The following CNTFR variants were observed in gnomAD, a reference collection of about 807,000 sequenced individuals.
CNTFR encodes the protein ciliary neurotrophic factor receptor, also known as ciliary neurotrophic factor receptor subunit alpha.
A neutral mutation model predicts 40.4 loss-of-function variants in CNTFR; 12 were observed. The observed-to-expected ratio is 0.30, with a 90% CI of 0.19 to 0.48. The LOEUF (loss-of-function observed/expected upper bound fraction) is 0.48. CNTFR is among the 20% of genes least tolerant of loss of function. The pLI is 0.99. For synonymous variants in CNTFR, 202 were observed against 209.6 expected, an observed-to-expected ratio of 0.96 and a Z score of 0.31; for missense variants, 414 against 506.8, an observed-to-expected ratio of 0.82 and a Z score of 1.76.
chr9:34,578,179 G>C (rs1409786099), intron 2 of CNTFR, among the ~76,000 whole-genome samples: 1 of 152,096 alleles, frequency 6.6e-6, no homozygotes, highest in Non-Finnish European at 1.5e-5. Flanking sequence ...GCGAGGGGCC[G>C]GGCCGCGCGG....
At chr9:34,576,718 T>C (rs1335689076) in intron 2 of CNTFR, among the ~76,000 whole-genome samples, 1 of 152,130 alleles carries the variant, frequency 6.6e-6, no homozygotes, top group Non-Finnish European at 1.5e-5. Flanking sequence ...GGGAGACAGA[T>C]GGTGGCACTG....
intron 2 of CNTFR, chr9:34,570,144 G>A (rs746741683): frequency 2.0e-5 from 3 of 152,272 alleles, no homozygotes; most frequent in Admixed American, 6.5e-5. Context: ...GCCACTCTCC[G>A]AGATTCCAGC....
At chr9:34,553,375 C>T (rs905804458) in intron 7 of CNTFR, among the ~76,000 whole-genome samples, 1 of 152,206 alleles carries the variant, frequency 6.6e-6, no homozygotes, top group East Asian at 1.9e-4. Context: ...AGTTACTTAA[C>T]ATCCTCATGC....
rs938924996 is a variant in CNTFR, at chr9:34,578,339, A to T, written c.-1+2756T>A. Among the ~76,000 whole-genome samples, 3 of 152,216 alleles carry T rather than the reference A, an allele frequency of 2.0e-5. 1 individual carries two copies. The East Asian group carries it at 5.8e-4, about 29-fold the overall frequency. ...CGGCATGCAGTGAGGTCATCCTTTG[A>T]ATCTAATTGTCTGAGTCAGGAGGAG... is the stretch of plus-strand genomic sequence containing the variant. On this transcript the variant is annotated intron_variant, in intron 2 of 9. Coordinates refer to ENST00000378980, the MANE Select transcript of CNTFR (RefSeq NM_147164.3).
chr9:34,556,614 A>G (rs1825844797), intron 6 of CNTFR, among the ~76,000 whole-genome samples, 196 bp from the exon 7 acceptor site: 1 of 152,108 alleles, frequency 6.6e-6, no homozygotes, highest in South Asian at 2.1e-4. Context: ...TGATATCCCC[A>G]TCATCACTAA....
At position 34,578,862 on chromosome 9, in the gene CNTFR, T is replaced by C. The variant is rs959855759; in HGVS notation, c.-1+2233A>G. 7.2e-5 allele frequency among the ~76,000 whole-genome samples: 11 copies of C among 152,330 alleles called. No individual in the cohort carries two copies. In the East Asian group the frequency reaches 1.9e-3, roughly 27 times the overall value. On this transcript the variant is annotated intron_variant, in intron 2 of 9. Transcript: ENST00000378980. ...GGCTCACCATCCTGCCCTCTGGGAA[T>C]GACAGTGCAATGCCACCCGTCCTCC...
At chr9:34,590,540 G>T (rs1827733730), upstream of CNTFR, among the ~76,000 whole-genome samples, 1 of 152,220 alleles carries the variant, frequency 6.6e-6, no homozygotes, top group South Asian at 2.1e-4. Context: ...GATGGACCCT[G>T]CCGGGAGCCC....
chr9:34,585,210 G>A (rs933160236), intron 1 of CNTFR, among the ~76,000 whole-genome samples: 2 of 152,194 alleles, frequency 1.3e-5, no homozygotes, highest in Non-Finnish European at 2.9e-5. Context: ...GGTACAGGGT[G>A]AGCAAGGGAG....
chr9:34,557,426 T>C lies in CNTFR; in HGVS notation c.604+100A>G. The C allele has an allele frequency of 1.5e-6, 2 of 1,329,276 alleles. No homozygotes were observed. The highest frequency in any genetic ancestry group is 2.1e-6 in the Non-Finnish European group (2 of 951,526). The allele number at this position is 1,329,276 out of a possible 1,614,324, so 82.3% of individuals were successfully genotyped here. On this transcript the variant is annotated intron_variant, in intron 6 of 9. Transcript: ENST00000378980. This position sits in a 1 kb window ranked among gnomAD's most constrained non-coding sequence, Gnocchi z 4.2. ...CCTGTGCAGAGGCATGTACATGCCATGTATACATGTGCATGCATGTGGACA... is the reference window on the plus strand; with the variant it reads ...CCTGTGCAGAGGCATGTACATGCCACGTATACATGTGCATGCATGTGGACA...
chr9:34,552,942 G>A lies in CNTFR; in HGVS notation c.769-88C>T, dbSNP rs932969902. The A allele has an allele frequency of 3.0e-6, 4 of 1,320,230 alleles. No individual in the cohort carries two copies. The highest frequency in any genetic ancestry group is 3.2e-6 in the Non-Finnish European group (3 of 948,324). The allele number at this position is 1,320,230 out of a possible 1,614,324, so 81.8% of individuals were successfully genotyped here. A position where few individuals can be genotyped will look rare whatever the true frequency, so the allele number is the denominator to read the frequency against. ...CCAGAGGAAGTGAGCATGCCTCTGA[G>A]GAGAGGAGAGTAAAGGGCTCTGGGG... On this transcript the variant is annotated intron_variant, in intron 7 of 9. Coordinates refer to ENST00000378980, the MANE Select transcript of CNTFR (RefSeq NM_147164.3). This position sits in a 1 kb window ranked among gnomAD's most constrained non-coding sequence, Gnocchi z 5.1.
At chr9:34,562,532 G>C (rs1272763358) in intron 4 of CNTFR, among the ~76,000 whole-genome samples, 1 of 152,182 alleles carries the variant, frequency 6.6e-6, no homozygotes. Context: ...GGAAGACCCT[G>C]AACAACCCTT....
In CNTFR at chr9:34,564,899, CG is replaced by C; in HGVS notation, c.86-68del. On this transcript the variant is annotated intron_variant, in intron 3 of 9. Coordinates refer to ENST00000378980, the MANE Select transcript of CNTFR (RefSeq NM_147164.3). ...GCCCGGCCCAGCACCCGCAGGCGAG[CG>C]TGCTCAGACAAGAGCCTGTGAGGAT... 3 of 1,392,116 alleles carry C rather than the reference CG, an allele frequency of 2.2e-6. No individual in the cohort carries two copies. In the African/African-American group the frequency reaches 4.2e-5, roughly 20 times the overall value. 86.2% of individuals were successfully genotyped at this position (1,392,116 alleles called of 1,614,324 possible).
Position 34,552,613 on chromosome 9 carries a change from AG to A in CNTFR, c.949+60del. 6.5e-7 allele frequency: 1 copy of A among 1,527,872 alleles called. No individual in the cohort carries two copies. The highest frequency in any genetic ancestry group is 8.9e-7 in the Non-Finnish European group (1 of 1,126,650). 94.6% of individuals were successfully genotyped at this position (1,527,872 alleles called of 1,614,324 possible). ...AGGCAGCAGGGTAGAACCAGGCCAC[AG>A]GTTCTACCACAGGCCTCCAGGACAG... On this transcript the variant is annotated intron_variant, in intron 8 of 9. Transcript: ENST00000378980. This position sits in a 1 kb window ranked among gnomAD's most constrained non-coding sequence, Gnocchi z 5.1.
At chr9:34,565,954 G>C (rs1247305812) in intron 3 of CNTFR, among the ~76,000 whole-genome samples, 1 of 151,982 alleles carries the variant, frequency 6.6e-6, no homozygotes, top group Non-Finnish European at 1.5e-5. Flanking sequence ...GTTGGGGTGG[G>C]GGGCTGCGGG....
chr9:34,565,621 C>T (rs976089119), intron 3 of CNTFR, among the ~76,000 whole-genome samples: 3 of 152,024 alleles, frequency 2.0e-5, no homozygotes, highest in Admixed American at 6.5e-5. Flanking sequence ...CCATTCCTCT[C>T]CTACCCCCAG....
intron 2 of CNTFR, among the ~76,000 whole-genome samples, chr9:34,575,119 G>A (rs1826888768): frequency 6.6e-6 from 1 of 152,224 alleles, no homozygotes; most frequent in Admixed American, 6.5e-5. Flanking sequence ...TGAATGGAGA[G>A]GAGGAAGGGG....
intron 2 of CNTFR, among the ~76,000 whole-genome samples, chr9:34,572,992 A>G (rs1826752052): frequency 6.6e-6 from 1 of 152,228 alleles, no homozygotes; most frequent in Admixed American, 6.5e-5. Context: ...ATACTAGTCC[A>G]CAGCAATACT....
chr9:34,582,481 C>G (rs747611919), intron 1 of CNTFR: 2 of 152,092 alleles, frequency 1.3e-5, no homozygotes, highest in African/African-American at 2.4e-5. Context: ...GACCCCTCAC[C>G]TTCTATAAGA....
intron 3 of CNTFR, chr9:34,568,009 C>A (rs1826386920): frequency 6.6e-6 from 1 of 152,262 alleles, no homozygotes; most frequent in South Asian, 2.1e-4. Context: ...TACCCACAGC[C>A]TTGAGGGTGG....
Sources: gnomAD v4.1 joint callset for allele counts (sites outside exome capture counted in the v4.1 genomes callset) on GRCh38, gnomAD v4.1.1 for gene constraint, Gnocchi (gnomAD v3.1) non-coding constraint, MANE v1.5 for transcripts, NCBI Gene and HGNC (gene_info 2026-07-23, HGNC 2026-07-21) for gene names.